The following ESR2 variants were observed in gnomAD, a reference collection of about 807,000 sequenced individuals.
The protein encoded by ESR2 is estrogen receptor beta.
ESR2 carries 36 observed loss-of-function variants against 49.6 expected under a neutral mutation model. The ratio of observed to expected loss-of-function variants is 0.73; its 90% CI spans 0.56 to 0.96. ESR2 has a LOEUF of 0.96. Among genes scored for constraint, ESR2 ranks in the 40% least tolerant of loss-of-function variants. The pLI, the probability that ESR2 is intolerant of heterozygous loss-of-function variation, is 0.00. For missense variants in ESR2, 714 were observed against 693.0 expected, an observed-to-expected ratio of 1.03 and a Z score of -0.34; for synonymous variants, 320 against 266.1, an observed-to-expected ratio of 1.20 and a Z score of -1.97.
chr14:64,266,783 T>A (rs1361036884), intron 4 of ESR2, among the ~76,000 whole-genome samples: 2 of 152,172 alleles, frequency 1.3e-5, no homozygotes, highest in African/African-American at 4.8e-5. Flanking sequence ...GAATTCAGGA[T>A]CTCCCAAGGT....
chr14:64,276,683 G>A (rs1234684237), intron 3 of ESR2, among the ~76,000 whole-genome samples: 1 of 152,056 alleles, frequency 6.6e-6, no homozygotes, highest in Non-Finnish European at 1.5e-5. Context: ...TTAAAACAAT[G>A]AAAATAATTG....
Position 64,228,933 on chromosome 14 carries a change from A to G in ESR2, c.*4204T>C, listed in dbSNP as rs928109554. Among the ~76,000 whole-genome samples the G allele has an allele frequency of 6.6e-6, 1 of 152,242 alleles. No homozygotes were observed. The highest frequency in any genetic ancestry group is 1.5e-5 in the Non-Finnish European group (1 of 68,036). ...CCAGCAAGTTTGAGAGCTATAAAGA[A>G]TAAGTGGCACGTGTTTTCACACTGT... On this transcript the variant is annotated 3_prime_UTR_variant, in exon 9 of 9. Transcript: ENST00000341099.
chr14:64,292,740 T>C (rs2076892947), intron 1 of ESR2, among the ~76,000 whole-genome samples: 2 of 152,354 alleles, frequency 1.3e-5, no homozygotes, highest in South Asian at 4.1e-4. Context: ...AATTTCCTTC[T>C]TATTCTTAAA....
rs182605045 is a variant in ESR2, at chr14:64,240,390, C to G, written c.1226-5240G>C. Among the ~76,000 whole-genome samples the G allele has an allele frequency of 1.7e-3, 265 of 152,334 alleles. 1 individual carries two copies. Among genetic ancestry groups the G allele is most frequent in the South Asian group, 0.016 (77 of 4,830 alleles). On this transcript the variant is annotated intron_variant, in intron 7 of 8. Coordinates refer to ENST00000341099, the MANE Select transcript of ESR2 (RefSeq NM_001437.3). ...GCCTTTTGACTTAAGAGACCTACCC[C>G]CATTTCTCCTCTCCTGACCCTTATC...
At position 64,257,358 on chromosome 14, in the gene ESR2, A is replaced by C. The variant is rs769145181; in HGVS notation, c.959T>G (p.Val320Gly). 2 of 1,612,732 alleles carry C rather than the reference A, an allele frequency of 1.2e-6. No homozygotes were observed. Among genetic ancestry groups the C allele is most frequent in the African/African-American group, 2.7e-5 (2 of 74,898 alleles). ...CACTTGGTCGAACAGGCTGAGCTCC[A>C]CAAAGCCTGGGGAAAGCAAGAGGCG... Reference protein sequence around the residue: ...ISWAKKIPGFVELSLFDQVRL... With the variant: ...ISWAKKIPGFGELSLFDQVRL... The change falls in exon 6 of 9, where the codon GTG (valine) becomes GGG (glycine). Residue 320 changes from valine to glycine, a missense_variant. Physicochemically the swap from Val to Gly is moderately radical, Grantham distance 109 (BLOSUM62 -3). Transcript: ENST00000341099.
intron 1 of ESR2, among the ~76,000 whole-genome samples, chr14:64,331,193 A>C (rs970058859): frequency 3.3e-5 from 5 of 152,244 alleles, no homozygotes; most frequent in Non-Finnish European, 7.3e-5. Context: ...CATACCATGC[A>C]ATCTAAGAAA....
intron 1 of ESR2, among the ~76,000 whole-genome samples, chr14:64,304,191 T>G (rs530098217): frequency 6.6e-6 from 1 of 152,318 alleles, no homozygotes; most frequent in East Asian, 1.9e-4. Flanking sequence ...CCTGTAGTCC[T>G]AGCTACTCAG....
intron 1 of ESR2, among the ~76,000 whole-genome samples, chr14:64,299,693 A>T (rs1451641795): frequency 6.6e-6 from 1 of 152,084 alleles, no homozygotes; most frequent in Non-Finnish European, 1.5e-5. Flanking sequence ...TACAGACTTG[A>T]TTTTTTGTGC....
chr14:64,230,865 T>TTATATATATATATATATA lies in ESR2; in HGVS notation c.*2254_*2271dup, dbSNP rs10589699. The TTATATATATATATATATA allele has an allele frequency of 3.2e-5, 4 of 125,620 alleles. No homozygotes were observed. Among genetic ancestry groups the TTATATATATATATATATA allele is most frequent in the African/African-American group, 1.3e-4 (4 of 31,762 alleles). 7.8% of individuals were successfully genotyped at this position (125,620 alleles called of 1,614,324 possible). A position where few individuals can be genotyped will look rare whatever the true frequency, so the allele number is the denominator to read the frequency against. ...AAGATCTACTCTCAAAAAAAAAAAA[T>TTATATATATATATATATA]TATATATATATATATATATATATTT... On this transcript the variant is annotated 3_prime_UTR_variant, in exon 9 of 9. Transcript: ENST00000341099.
intron 1 of ESR2, among the ~76,000 whole-genome samples, chr14:64,299,500 C>T (rs1246089559): frequency 6.6e-6 from 1 of 150,430 alleles, no homozygotes; most frequent in African/African-American, 2.5e-5. Flanking sequence ...GCTGAGACTA[C>T]AGGCACCCAC....
chr14:64,237,059 C>T (rs1596368226), intron 7 of ESR2, among the ~76,000 whole-genome samples: 1 of 152,120 alleles, frequency 6.6e-6, no homozygotes, highest in East Asian at 1.9e-4. Context: ...CTCCCGGTTT[C>T]AAGCAATTCT....
intron 1 of ESR2, among the ~76,000 whole-genome samples, chr14:64,319,032 G>C (rs951780260): frequency 2.4e-4 from 37 of 151,176 alleles, no homozygotes; most frequent in African/African-American, 1.5e-4. Flanking sequence ...CCTGGTGAAA[G>C]AGAGAGACCC....
At chr14:64,245,606 CAT>C (rs1035325316) in intron 7 of ESR2, among the ~76,000 whole-genome samples, 2 of 150,028 alleles carry the variant, frequency 1.3e-5, no homozygotes, top group African/African-American at 4.9e-5. Flanking sequence ...AATTACATCA[CAT>C]GTCTCCCTCG....
At chr14:64,295,946 A>AG (rs1372999321), upstream of ESR2, among the ~76,000 whole-genome samples, 2 of 149,238 alleles carry the variant, frequency 1.3e-5, no homozygotes, top group Non-Finnish European at 3.0e-5. Flanking sequence ...CAGGAGGCTG[A>AG]GGCAGGAGAA....
chr14:64,270,469 C>T (rs2076418352), intron 3 of ESR2, among the ~76,000 whole-genome samples: 1 of 152,088 alleles, frequency 6.6e-6, no homozygotes, highest in Non-Finnish European at 1.5e-5. Context: ...TTAAACTGGA[C>T]ATGTTACATG....
At chr14:64,315,146 A>G (rs1473912283) in intron 1 of ESR2, among the ~76,000 whole-genome samples, 3 of 147,616 alleles carry the variant, frequency 2.0e-5, no homozygotes, top group Non-Finnish European at 4.5e-5. Flanking sequence ...CGGGAGGCTG[A>G]GGCAGGAAAA....
At chr14:64,250,605 AAGCCTGC>A (rs1298951178) in intron 6 of ESR2, among the ~76,000 whole-genome samples, 1 of 152,222 alleles carries the variant, frequency 6.6e-6, no homozygotes, top group African/African-American at 2.4e-5. Flanking sequence ...TTGCTCCCAA[AAGCCTGC>A]AGCACACAGA....
intron 1 of ESR2, among the ~76,000 whole-genome samples, chr14:64,317,243 C>T (rs775453232): frequency 8.5e-5 from 13 of 152,134 alleles, no homozygotes; most frequent in African/African-American, 1.7e-4. Flanking sequence ...ACAGCCTAGG[C>T]GACAGAGTGA....
intron 8 of ESR2, chr14:64,234,257 C>T (rs1375409322): frequency 6.6e-6 from 1 of 152,508 alleles, no homozygotes; most frequent in African/African-American, 2.4e-5. Context: ...TCTCCACAGC[C>T]TCTAGACTTG....
Sources: allele counts gnomAD v4.1 joint callset (sites outside exome capture counted in the v4.1 genomes callset), GRCh38; gene constraint gnomAD v4.1.1; transcripts MANE v1.5; gene names NCBI Gene and HGNC (gene_info 2026-07-23, HGNC 2026-07-21).